SUCO: variants seen among roughly 807,000 people sequenced by gnomAD.
The protein encoded by SUCO is SUN domain-containing ossification factor.
In SUCO, 57 loss-of-function variants were observed where a neutral mutation model predicts 148.1. That is an observed-to-expected ratio of 0.38 (90% CI 0.31 to 0.48). The LOEUF (loss-of-function observed/expected upper bound fraction) is 0.48. Among genes scored for constraint, SUCO ranks in the 20% least tolerant of loss-of-function variants. The pLI, the probability that SUCO is intolerant of heterozygous loss-of-function variation, is 0.96. For synonymous variants in SUCO, 470 were observed against 502.7 expected, an observed-to-expected ratio of 0.93 and a Z score of 0.87; for missense variants, 1,331 against 1,468.2, an observed-to-expected ratio of 0.91 and a Z score of 1.53.
Position 172,595,997 on chromosome 1 carries a change from A to G in SUCO, c.2914-4067A>G, listed in dbSNP as rs374015804. ...ATTTGTTTTTACTCTTTTTTTCTCT[A>G]AACTTCTCTTCTCGCTTCATTTCGT... On this transcript the variant is annotated intron_variant, in intron 19 of 23. Coordinates refer to ENST00000263688, the MANE Select transcript of SUCO (RefSeq NM_014283.5). Among the ~76,000 whole-genome samples the G allele has an allele frequency of 2.6e-5, 4 of 152,044 alleles. No homozygotes were observed. The South Asian group carries it at 8.3e-4, about 32-fold the overall frequency.
chr1:172,602,537 A>G (rs764297390), intron 21 of SUCO, 159 bp from the exon 22 acceptor site: 6 of 984,678 alleles, frequency 6.1e-6, no homozygotes, highest in Non-Finnish European at 7.2e-6. Context: ...AAAGATCTCT[A>G]AATTTTTTTT....
At chr1:172,574,780 A>G (rs945355095) in intron 10 of SUCO, 2 of 451,012 alleles carry the variant, frequency 4.4e-6, no homozygotes, top group Admixed American at 6.4e-5. Flanking sequence ...TCATTTAATC[A>G]TTAAGGGTTT....
At chr1:172,542,612 G>A in intron 1 of SUCO, 2 of 328,474 alleles carry the variant, frequency 6.1e-6, no homozygotes, top group South Asian at 1.2e-4. Flanking sequence ...ACACGCGAGG[G>A]ATCTAGGTTG....
In SUCO at chr1:172,573,863, A is replaced by G. The variant is rs1395758015; in HGVS notation, c.1050-28A>G. On this transcript the variant is annotated intron_variant, in intron 9 of 23. Coordinates refer to ENST00000263688, the MANE Select transcript of SUCO (RefSeq NM_014283.5). The stretch of plus-strand genomic sequence containing the variant: ...TATGAACTGTTATTTTGATTGGTTT[A>G]AGTAATTGTCTTTTGTTCTTTTTGA... 103 of 1,264,554 alleles carry G rather than the reference A, an allele frequency of 8.1e-5. 1 individual carries two copies. In the East Asian group the frequency reaches 2.4e-3, roughly 29 times the overall value. 78.3% of individuals were successfully genotyped at this position (1,264,554 alleles called of 1,614,324 possible). A position where few individuals can be genotyped will look rare whatever the true frequency, so the allele number is the denominator to read the frequency against.
chr1:172,573,853 T>C (rs774880190), intron 9 of SUCO, 38 bp from the exon 10 acceptor site: 30 of 1,137,602 alleles, frequency 2.6e-5, no homozygotes, highest in Middle Eastern at 4.1e-4. Context: ...ACTGTTATTT[T>C]GATTGGTTTA....
chr1:172,542,313 C>T (rs138089274), intron 1 of SUCO, among the ~76,000 whole-genome samples: 10,082 of 152,094 alleles, frequency 0.066, 495 homozygotes, highest in Middle Eastern at 0.11. Context: ...ACCTAGGAGA[C>T]GGAGGTTGCG....
At chr1:172,596,177 G>A (rs57117081) in intron 19 of SUCO, among the ~76,000 whole-genome samples, 5,117 of 152,204 alleles carry the variant, frequency 0.034, 261 homozygotes, top group African/African-American at 0.11. Context: ...TTAGCCATTC[G>A]TCTAATCTTT....
chr1:172,596,832 T>G (rs1215598627), intron 19 of SUCO, among the ~76,000 whole-genome samples: 3 of 152,230 alleles, frequency 2.0e-5, no homozygotes. Context: ...CGGGGACGTT[T>G]AAGTCTGCAG....
chr1:172,552,747 A>C, intron 2 of SUCO: 1 of 536,564 alleles, frequency 1.9e-6, no homozygotes, highest in Non-Finnish European at 2.4e-6. Flanking sequence ...AAATGTCATA[A>C]AAGTGAATTT....
chr1:172,599,156 C>T (rs1276862411), intron 19 of SUCO, among the ~76,000 whole-genome samples: 3 of 152,036 alleles, frequency 2.0e-5, no homozygotes, highest in South Asian at 2.1e-4. Context: ...GGTGAAACCC[C>T]GTCTCTACTA....
intron 17 of SUCO, 36 bp from the exon 18 acceptor site, chr1:172,588,724 G>A (rs761833396): frequency 3.0e-6 from 4 of 1,328,726 alleles, no homozygotes; most frequent in Admixed American, 6.3e-5. Context: ...AGACTTCTAA[G>A]TAAGTGATTT....
chr1:172,601,903 T>G (rs1657554808), intron 20 of SUCO, 161 bp from the exon 21 acceptor site: 1 of 306,644 alleles, frequency 3.3e-6, no homozygotes, highest in Admixed American at 6.5e-5. Flanking sequence ...TTTTTTTCTT[T>G]AATGTCATAG....
At chr1:172,597,777 G>T (rs1293739872) in intron 19 of SUCO, among the ~76,000 whole-genome samples, 2 of 151,820 alleles carry the variant, frequency 1.3e-5, no homozygotes, top group African/African-American at 4.8e-5. Context: ...AAGGTTATTT[G>T]GGTCTCGGGG....
chr1:172,539,481 TAATA>T (rs1360296065), intron 1 of SUCO, among the ~76,000 whole-genome samples: 1 of 150,954 alleles, frequency 6.6e-6, no homozygotes, highest in East Asian at 1.9e-4. Flanking sequence ...TGAATTTGTT[TAATA>T]AATGCAAGTT....
chr1:172,607,288 G>A (rs922192744), intron 22 of SUCO, among the ~76,000 whole-genome samples: 11 of 151,866 alleles, frequency 7.2e-5, no homozygotes, highest in Admixed American at 6.6e-5. Context: ...GGGAATTTGT[G>A]TGTGTGTTAC....
intron 20 of SUCO, among the ~76,000 whole-genome samples, chr1:172,601,550 T>TA (rs1371325122): frequency 6.6e-6 from 1 of 151,944 alleles, no homozygotes; most frequent in East Asian, 1.9e-4. Flanking sequence ...GGTATTGACT[T>TA]AGAGTAGGAT....
chr1:172,533,270 GC>G lies in SUCO; in HGVS notation c.-165del, dbSNP rs1335913560. On this transcript the variant is annotated 5_prime_UTR_variant, in exon 1 of 24. Transcript: ENST00000263688. ...CGCCTCTGTGGGGCCCTCAGAGAGG[GC>G]TGCCAGGACGCGAGCCACTGAGGAG... 2 of 1,549,410 alleles carry G rather than the reference GC, an allele frequency of 1.3e-6. No individual in the cohort carries two copies. The highest frequency in any genetic ancestry group is 2.4e-5 in the South Asian group (2 of 83,962).
intron 15 of SUCO, among the ~76,000 whole-genome samples, chr1:172,580,074 G>A (rs192268426): frequency 1.8e-4 from 27 of 152,256 alleles, no homozygotes; most frequent in Non-Finnish European, 3.2e-4. Context: ...TATTCAACCA[G>A]TAGTCTAAAT....
chr1:172,535,607 A>G (rs1651953882), intron 1 of SUCO, among the ~76,000 whole-genome samples: 2 of 152,200 alleles, frequency 1.3e-5, no homozygotes, highest in African/African-American at 2.4e-5. Flanking sequence ...TTTAACAGAA[A>G]TGGCTACCAA....
Sources: gnomAD v4.1 joint callset for allele counts (sites outside exome capture counted in the v4.1 genomes callset) on GRCh38, gnomAD v4.1.1 for gene constraint, MANE v1.5 for transcripts, NCBI Gene and HGNC (gene_info 2026-07-23, HGNC 2026-07-21) for gene names.